Variants in ADGRL2 observed in about 807,000 individuals in gnomAD.
ADGRL2 encodes calcium-independent alpha-latrotoxin receptor 2.
A neutral mutation model predicts 157.4 loss-of-function variants in ADGRL2; 44 were observed. That is an observed-to-expected ratio of 0.28 (90% CI 0.22 to 0.36). The LOEUF (loss-of-function observed/expected upper bound fraction) is 0.36, where lower values mean the gene tolerates loss of function less well. ADGRL2 is among the 10% of genes least tolerant of loss of function. The probability of loss-of-function intolerance (pLI) is 1.00; values close to 1 mark genes in which losing one functional copy is unlikely to be tolerated. For missense variants in ADGRL2, 1,510 were observed against 1,768.9 expected (o/e 0.85, Z 2.63); for synonymous variants, 585 against 624.7 (o/e 0.94, Z 0.95).
intron 3 of ADGRL2, among the ~76,000 whole-genome samples, chr1:81,691,880 G>GTGTATATATATATATATATATA (rs1553140755): frequency 5.0e-5 from 6 of 119,878 alleles, no homozygotes; most frequent in African/African-American, 1.8e-4. Flanking sequence ...GTGTGTGTGT[G>GTGTATATATATATATATATATA]TATATATATA....
At chr1:81,705,038 T>C (rs148756816) in intron 1 of ADGRL2, among the ~76,000 whole-genome samples, 23 of 152,244 alleles carry the variant, frequency 1.5e-4, no homozygotes, top group African/African-American at 5.5e-4. Context: ...GTGTTGTTGT[T>C]TTCTTTTAAT....
At chr1:81,922,780 C>T (rs75566732) in intron 3 of ADGRL2, among the ~76,000 whole-genome samples, 11,163 of 152,042 alleles carry the variant, frequency 0.073, 436 homozygotes, top group African/African-American at 0.11. Flanking sequence ...CTTTGGGAGG[C>T]GGAGGCGGGA....
rs796235183 is a variant in ADGRL2 at position 81,528,010 on chromosome 1, T to C, written c.-247-52866T>C. Among the ~76,000 whole-genome samples, 16 of 152,118 alleles carry C rather than the reference T, an allele frequency of 1.1e-4. 1 individual carries two copies. The highest frequency in any genetic ancestry group is 3.9e-4 in the African/African-American group (16 of 41,502). On this transcript the variant is annotated intron_variant, in intron 2 of 24. Coordinates refer to the ADGRL2 transcript ENST00000370721. ...TGAACCCGGGAGGCGGAGCTTGCAGTGAGCCGAGATCGCGTCACTGCACTC... is the reference window on the plus strand; with the variant it reads ...TGAACCCGGGAGGCGGAGCTTGCAGCGAGCCGAGATCGCGTCACTGCACTC...
At chr1:81,636,053 G>T (rs1441229086) in intron 3 of ADGRL2, among the ~76,000 whole-genome samples, 1 of 152,106 alleles carries the variant, frequency 6.6e-6, no homozygotes, top group Non-Finnish European at 1.5e-5. Flanking sequence ...TCCTTGCTCA[G>T]CCCCTAAAAC....
intron 1 of ADGRL2, chr1:81,722,770 A>T: frequency 3.8e-6 from 3 of 783,852 alleles, no homozygotes; most frequent in Non-Finnish European, 6.7e-6. Flanking sequence ...AGAGCATGAG[A>T]GAGCCCGGAG....
At chr1:81,785,224 A>T (rs1055050990) in intron 2 of ADGRL2, among the ~76,000 whole-genome samples, 1 of 152,174 alleles carries the variant, frequency 6.6e-6, no homozygotes, top group African/African-American at 2.4e-5. Context: ...ATAAAGTGGT[A>T]GGCAGGAGTT....
intron 1 of ADGRL2, among the ~76,000 whole-genome samples, chr1:81,355,787 A>G (rs1663240643): frequency 6.6e-6 from 1 of 152,140 alleles, no homozygotes; most frequent in South Asian, 2.1e-4. Context: ...TTTATGTGTC[A>G]TTACCAGGAG....
intron 1 of ADGRL2, among the ~76,000 whole-genome samples, chr1:81,353,302 T>C (rs975970590): frequency 1.3e-5 from 2 of 152,148 alleles, no homozygotes; most frequent in African/African-American, 4.8e-5. Context: ...ATTCCATAAA[T>C]ATTAGGGAGC....
rs137866956 is a variant in ADGRL2 at position 81,960,763 on chromosome 1, G to A, written c.2017+4703G>A. ...GCTGGGATTAAAGGTGTGAGCCACC[G>A]CCCCTGGCCTTATTTATTGTTTTAA... On this transcript the variant is annotated intron_variant, in intron 11 of 23. Transcript: ENST00000686636. Among the ~76,000 whole-genome samples the A allele has an allele frequency of 5.5e-3, 835 of 152,194 alleles. 12 individuals carry two copies. The highest frequency in any genetic ancestry group is 0.019 in the African/African-American group (784 of 41,538).
intron 2 of ADGRL2, among the ~76,000 whole-genome samples, chr1:81,858,818 T>C (rs2093295048): frequency 6.6e-6 from 1 of 152,214 alleles, no homozygotes; most frequent in South Asian, 2.1e-4. Context: ...CCGGATGTAA[T>C]ATAAAGTGCG....
chr1:81,320,383 A>G (rs1041328122), intron 1 of ADGRL2, among the ~76,000 whole-genome samples: 6 of 152,332 alleles, frequency 3.9e-5, no homozygotes, highest in Admixed American at 3.3e-4. Flanking sequence ...GAATGTCTTA[A>G]TGGCATCTAG....
At chr1:81,772,728 C>CA (rs1483842836) in intron 2 of ADGRL2, among the ~76,000 whole-genome samples, 3 of 151,328 alleles carry the variant, frequency 2.0e-5, no homozygotes, top group East Asian at 1.9e-4. Flanking sequence ...GACTCCATCC[C>CA]AAAAAAAGAG....
At chr1:81,979,186 T>C (rs1242227964) in intron 17 of ADGRL2, among the ~76,000 whole-genome samples, 5 of 151,760 alleles carry the variant, frequency 3.3e-5, no homozygotes, top group Non-Finnish European at 7.4e-5. Context: ...CATTTTGCTT[T>C]TGTTTGCACC....
intron 2 of ADGRL2, among the ~76,000 whole-genome samples, chr1:81,792,002 T>A (rs1316555022): frequency 6.6e-6 from 1 of 152,232 alleles, no homozygotes; most frequent in Non-Finnish European, 1.5e-5. Flanking sequence ...ATAAATAGTT[T>A]TGTATATTCT....
chr1:81,855,641 T>C (rs537589401), intron 2 of ADGRL2, among the ~76,000 whole-genome samples: 16 of 152,130 alleles, frequency 1.1e-4, no homozygotes, highest in Non-Finnish European at 2.1e-4. Context: ...TGAGCTGATA[T>C]TTTTCCCCAA....
intron 2 of ADGRL2, among the ~76,000 whole-genome samples, chr1:81,783,808 T>A (rs2086916026): frequency 6.6e-6 from 1 of 152,178 alleles, no homozygotes; most frequent in African/African-American, 2.4e-5. Context: ...TATAACAGCA[T>A]TATAAAAGTT....
intron 3 of ADGRL2, among the ~76,000 whole-genome samples, chr1:81,665,143 C>A (rs1234601501): frequency 6.6e-6 from 1 of 151,824 alleles, no homozygotes; most frequent in Non-Finnish European, 1.5e-5. Flanking sequence ...ATGGCATTTT[C>A]AAAAAAATCT....
At chr1:81,498,117 T>C (rs2078768768) in intron 2 of ADGRL2, among the ~76,000 whole-genome samples, 1 of 152,160 alleles carries the variant, frequency 6.6e-6, no homozygotes, top group Non-Finnish European at 1.5e-5. Flanking sequence ...ACTATTCCAT[T>C]GGTAGATGGA....
intron 1 of ADGRL2, among the ~76,000 whole-genome samples, chr1:81,802,836 G>C (rs1007971342): frequency 4.6e-5 from 7 of 152,120 alleles, no homozygotes; most frequent in African/African-American, 1.7e-4. Flanking sequence ...GTTCCTTCTC[G>C]TCAGTGGTTA....
Sources: allele counts gnomAD v4.1 joint callset (sites outside exome capture counted in the v4.1 genomes callset), GRCh38; gene constraint gnomAD v4.1.1; transcripts MANE v1.5; gene names NCBI Gene and HGNC (gene_info 2026-07-23, HGNC 2026-07-21).